DAG1: variants seen among roughly 807,000 people sequenced by gnomAD.
The protein encoded by DAG1 is dystroglycan 1.
In DAG1, 8 loss-of-function variants were observed where a neutral mutation model predicts 46.1. The observed-to-expected ratio is 0.17, with a 90% CI of 0.10 to 0.31. DAG1 has a LOEUF of 0.31. Among genes scored for constraint, DAG1 ranks in the 10% least tolerant of loss-of-function variants. The probability of loss-of-function intolerance (pLI) is 1.00; values close to 1 mark genes in which losing one functional copy is unlikely to be tolerated. For synonymous variants in DAG1, 495 were observed against 481.8 expected (o/e 1.03, Z -0.36); for missense variants, 1,003 against 1,189.9 (o/e 0.84, Z 2.31).
chr3:49,496,389 A>C (rs1575366017), intron 1 of DAG1, among the ~76,000 whole-genome samples: 2 of 122,410 alleles, frequency 1.6e-5, no homozygotes, highest in Non-Finnish European at 1.6e-5. Flanking sequence ...ATGGAGTCTC[A>C]CTCTGTCGCC....
chr3:49,471,145 A>C, intron 1 of DAG1: 1 of 152,184 alleles, frequency 6.6e-6, no homozygotes, highest in East Asian at 1.9e-4. Flanking sequence ...GTTGCTTCAG[A>C]ATTAGTTTTA....
chr3:49,506,120 C>T (rs540987987), intron 1 of DAG1, among the ~76,000 whole-genome samples: 10 of 151,848 alleles, frequency 6.6e-5, no homozygotes, highest in Non-Finnish European at 1.3e-4. Context: ...GCTAGGATTA[C>T]AGGTGCCCGC....
At chr3:49,491,777 G>T (rs1049421218) in intron 1 of DAG1, among the ~76,000 whole-genome samples, 4 of 151,882 alleles carry the variant, frequency 2.6e-5, no homozygotes, top group African/African-American at 9.7e-5. Flanking sequence ...CGCCCGGCCT[G>T]TCCTGCTATT....
At chr3:49,530,489 A>G (rs528623118) in intron 2 of DAG1, among the ~76,000 whole-genome samples, 6 of 152,282 alleles carry the variant, frequency 3.9e-5, no homozygotes, top group African/African-American at 1.4e-4. Context: ...AAAATCCACA[A>G]CAGTCGTGAG....
intron 1 of DAG1, among the ~76,000 whole-genome samples, chr3:49,474,342 C>T (rs2049616033): frequency 6.6e-6 from 1 of 152,016 alleles, no homozygotes; most frequent in Non-Finnish European, 1.5e-5. Context: ...GCGTGAGCCA[C>T]CGCACCCGGC....
At chr3:49,510,259 G>A (rs1165856676) in intron 1 of DAG1, 160 bp from the exon 2 acceptor site, 11 of 566,684 alleles carry the variant, frequency 1.9e-5, no homozygotes, top group Non-Finnish European at 3.4e-5. Context: ...CCAGTGCTAA[G>A]GAGTTGCACG....
intron 2 of DAG1, among the ~76,000 whole-genome samples, chr3:49,517,180 A>G (rs1474717985): frequency 1.3e-5 from 2 of 151,716 alleles, no homozygotes; most frequent in Admixed American, 1.3e-4. Context: ...TTTTTAGTAG[A>G]GACGGGGTTT....
intron 1 of DAG1, among the ~76,000 whole-genome samples, chr3:49,501,555 T>G (rs1201594753): frequency 6.6e-6 from 1 of 152,212 alleles, no homozygotes; most frequent in Non-Finnish European, 1.5e-5. Context: ...CTCATACCTG[T>G]AATCCCAGCA....
intron 1 of DAG1, among the ~76,000 whole-genome samples, chr3:49,471,841 T>C (rs576155651): frequency 2.6e-4 from 40 of 152,300 alleles, no homozygotes; most frequent in African/African-American, 9.1e-4. Flanking sequence ...GAATTCAGTT[T>C]AGGGGGCAGT....
chr3:49,510,960 G>C (rs1416325603), intron 2 of DAG1, 141 bp downstream of exon 2: 1 of 1,523,096 alleles, frequency 6.6e-7, no homozygotes, highest in African/African-American at 1.4e-5. Flanking sequence ...GACAGCCACT[G>C]ATGTTCATAA....
chr3:49,498,255 A>G (rs1230608357), intron 1 of DAG1, among the ~76,000 whole-genome samples: 2 of 152,176 alleles, frequency 1.3e-5, no homozygotes, highest in African/African-American at 4.8e-5. Context: ...CATGTCAGGG[A>G]AACCCTATCT....
intron 2 of DAG1, among the ~76,000 whole-genome samples, chr3:49,530,331 C>G (rs979145529): frequency 6.6e-6 from 1 of 152,132 alleles, no homozygotes; most frequent in African/African-American, 2.4e-5. Flanking sequence ...TCCTCCAGGC[C>G]AGGCATGTGA....
intron 2 of DAG1, among the ~76,000 whole-genome samples, chr3:49,518,566 G>A (rs777731057): frequency 6.6e-6 from 1 of 152,176 alleles, no homozygotes; most frequent in Admixed American, 6.5e-5. Flanking sequence ...AATAAAGAAG[G>A]GACCTGCCTG....
At chr3:49,498,857 C>A (rs184226192) in intron 1 of DAG1, among the ~76,000 whole-genome samples, 1 of 151,886 alleles carries the variant, frequency 6.6e-6, no homozygotes, top group Non-Finnish European at 1.5e-5. Context: ...TACAGGCATG[C>A]GCCACCATGC....
chr3:49,508,129 T>G (rs2050656835), intron 1 of DAG1, among the ~76,000 whole-genome samples: 1 of 151,726 alleles, frequency 6.6e-6, no homozygotes, highest in African/African-American at 2.4e-5. Context: ...TCTGTTTTTG[T>G]TTTCAGTTTC....
chr3:49,506,587 T>C (rs766668638), intron 1 of DAG1, among the ~76,000 whole-genome samples: 1 of 152,184 alleles, frequency 6.6e-6, no homozygotes, highest in Non-Finnish European at 1.5e-5. Context: ...CCTGTTAATA[T>C]GGTTAATTTT....
At chr3:49,524,114 C>T (rs142681891) in intron 2 of DAG1, among the ~76,000 whole-genome samples, 33 of 152,266 alleles carry the variant, frequency 2.2e-4, no homozygotes, top group African/African-American at 7.9e-4. Flanking sequence ...CTGAGGGCCT[C>T]CTGCTTTGTT....
chr3:49,497,623 AT>A (rs1559557145), intron 1 of DAG1, among the ~76,000 whole-genome samples: 1 of 152,070 alleles, frequency 6.6e-6, no homozygotes, highest in Non-Finnish European at 1.5e-5. Context: ...CAAAAAAAAA[AT>A]AAAAATAACC....
At chr3:49,484,551 C>T (rs915875448) in intron 1 of DAG1, among the ~76,000 whole-genome samples, 2 of 152,124 alleles carry the variant, frequency 1.3e-5, no homozygotes, top group African/African-American at 4.8e-5. Context: ...CGTATGCTTT[C>T]TTCCTGTGGA....
Sources: gnomAD v4.1 joint callset for allele counts (sites outside exome capture counted in the v4.1 genomes callset) on GRCh38, gnomAD v4.1.1 for gene constraint, MANE v1.5 for transcripts, NCBI Gene and HGNC (gene_info 2026-07-23, HGNC 2026-07-21) for gene names.